Variants in FBXO6 observed in about 807,000 individuals in gnomAD.
FBXO6 encodes the protein F-box only protein 6.
Under a neutral mutation model 25.0 loss-of-function variants are expected in FBXO6, and 13 were observed. The ratio of observed to expected loss-of-function variants is 0.52; its 90% CI spans 0.34 to 0.83. The LOEUF (loss-of-function observed/expected upper bound fraction) is 0.83. Among genes scored for constraint, FBXO6 ranks in the 40% least tolerant of loss-of-function variants. The pLI is 0.02. For synonymous variants in FBXO6, 138 were observed against 155.3 expected, an observed-to-expected ratio of 0.89 and a Z score of 0.83; for missense variants, 370 against 380.2, an observed-to-expected ratio of 0.97 and a Z score of 0.22.
Position 11,671,873 on chromosome 1 carries a change from G to A in FBXO6, c.414-55G>A, listed in dbSNP as rs976550135. On this transcript the variant is annotated intron_variant, in intron 3 of 5. Transcript: ENST00000376753. ...AGGGGCTGCCAAGGCCTGGGTGAGG[G>A]GGGGGGCCATGCAGAGCACACCCAG... is the stretch of plus-strand genomic sequence containing the variant. The A allele has an allele frequency of 9.4e-6, 14 of 1,496,808 alleles. 1 individual carries two copies. The Admixed American group carries it at 1.8e-4, about 20-fold the overall frequency. 92.7% of individuals were successfully genotyped at this position (1,496,808 alleles called of 1,614,324 possible). A position where few individuals can be genotyped will look rare whatever the true frequency, so the allele number is the denominator to read the frequency against.
rs1640684267 is a variant in FBXO6 at position 11,673,417 on chromosome 1, G to A, written c.645+5G>A. On this transcript the variant is annotated splice_donor_5th_base_variant and intron_variant, in intron 5 of 5. Coordinates refer to ENST00000376753, the MANE Select transcript of FBXO6 (RefSeq NM_018438.6). This position sits in a 1 kb window ranked among gnomAD's most constrained non-coding sequence, Gnocchi z 4.3. ...AACAATGCCACATGGACAGAGGTGA[G>A]GCCTCACCCACTTGCTCTCTCTACC... 1 of 1,613,430 alleles carries A rather than the reference G, an allele frequency of 6.2e-7. No homozygotes were observed. The highest frequency in any genetic ancestry group is 1.1e-5 in the South Asian group (1 of 91,002).
At chr1:11,665,349 C>G (rs1390861764) in intron 1 of FBXO6, among the ~76,000 whole-genome samples, 2 of 149,230 alleles carry the variant, frequency 1.3e-5, no homozygotes, top group Non-Finnish European at 3.0e-5. Flanking sequence ...CTCAGCCTCC[C>G]GAGTAGCTGG....
Position 11,672,461 on chromosome 1 carries a change from T to A in FBXO6, c.509+438T>A, listed in dbSNP as rs569809311. On this transcript the variant is annotated intron_variant, in intron 4 of 5. Transcript: ENST00000376753. The stretch of plus-strand genomic sequence containing the variant: ...ACCACTACACCCGGCTATTTTTTTT[T>A]ATATTTTTAATACAGACAGCGTCTT... Among the ~76,000 whole-genome samples the A allele has an allele frequency of 3.0e-3, 456 of 151,342 alleles. 1 individual carries two copies. Among genetic ancestry groups the A allele is most frequent in the Non-Finnish European group, 4.1e-3 (279 of 67,876 alleles).
intron 2 of FBXO6, among the ~76,000 whole-genome samples, chr1:11,669,272 C>A (rs190214243): frequency 4.0e-4 from 61 of 152,252 alleles, no homozygotes; most frequent in African/African-American, 1.3e-3. Flanking sequence ...TAGAGACCAG[C>A]CTGGTCAAAA....
At chr1:11,666,286 G>A (rs1640436313) in intron 1 of FBXO6, among the ~76,000 whole-genome samples, 1 of 151,636 alleles carries the variant, frequency 6.6e-6, no homozygotes, top group African/African-American at 2.4e-5. Flanking sequence ...AAGTAGCTAG[G>A]ACCATAGGCA....
chr1:11,668,091 C>CAAAA (rs371283288), intron 1 of FBXO6, among the ~76,000 whole-genome samples: 15 of 122,386 alleles, frequency 1.2e-4, no homozygotes, highest in African/African-American at 4.1e-4. Context: ...GACTCTGTCT[C>CAAAA]AAAAAAAAAA....
chr1:11,665,436 T>C (rs1640399670), intron 1 of FBXO6, among the ~76,000 whole-genome samples: 2 of 151,126 alleles, frequency 1.3e-5, no homozygotes, highest in Admixed American at 1.3e-4. Context: ...TTTGTATTTT[T>C]AGTAGAGATG....
chr1:11,666,888 C>G (rs946164938), intron 1 of FBXO6, among the ~76,000 whole-genome samples: 4 of 152,164 alleles, frequency 2.6e-5, no homozygotes, highest in African/African-American at 4.8e-5. Flanking sequence ...TGGCTCACAC[C>G]TGTAATCCCA....
Position 11,671,283 on chromosome 1 carries a change from C to A in FBXO6, c.304C>A (p.Gln102Lys). ...PCAEEDMFAW[Q>K]IDFNGGDRWK... ...CTTCCTAGAGGATATGTTTGCATGG[C>A]AAATTGATTTCAATGGTGGGGACCG... Residue 102 changes from glutamine (Q) to lysine (K), a missense_variant, in exon 3 of 6, where the codon CAA becomes AAA. Transcript: ENST00000376753. 1 of 1,613,998 alleles carries A rather than the reference C, an allele frequency of 6.2e-7. No individual in the cohort carries two copies. The highest frequency in any genetic ancestry group is 1.1e-5 in the South Asian group (1 of 91,090).
intron 1 of FBXO6, among the ~76,000 whole-genome samples, chr1:11,667,342 C>T (rs960872061): frequency 6.6e-5 from 10 of 152,170 alleles, no homozygotes; most frequent in Non-Finnish European, 1.5e-5. Flanking sequence ...CAGGTGCCCC[C>T]AGGTAACAGA....
intron 1 of FBXO6, 28 bp from the exon 2 acceptor site, chr1:11,668,628 A>G: frequency 6.3e-7 from 1 of 1,598,822 alleles, no homozygotes; most frequent in East Asian, 2.2e-5. Flanking sequence ...CTCCCTGGTC[A>G]GGCTCATAAC....
At chr1:11,671,455 A>G (rs1426037743) in intron 3 of FBXO6, 63 bp downstream of exon 3, 1 of 1,580,748 alleles carries the variant, frequency 6.3e-7, no homozygotes, top group Non-Finnish European at 8.7e-7. Flanking sequence ...CACCTTTGCC[A>G]AGTCTCAGGC....
At chr1:11,665,838 C>G (rs1040706129) in intron 1 of FBXO6, among the ~76,000 whole-genome samples, 1 of 150,940 alleles carries the variant, frequency 6.6e-6, no homozygotes, top group Non-Finnish European at 1.5e-5. Flanking sequence ...GGAATACAGG[C>G]CTGAGTCTGT....
chr1:11,665,680 C>T (rs1195309256), intron 1 of FBXO6, among the ~76,000 whole-genome samples: 1 of 150,736 alleles, frequency 6.6e-6, no homozygotes, highest in Non-Finnish European at 1.5e-5. Flanking sequence ...CCTGCCTCAC[C>T]CTCCCGAGTA....
chr1:11,669,648 G>A lies in FBXO6; in HGVS notation c.286+704G>A, dbSNP rs1362605167. 4.0e-4 allele frequency among the ~76,000 whole-genome samples: 48 copies of A among 119,736 alleles called. 2 individuals are homozygous for A. Among genetic ancestry groups the A allele is most frequent in the Non-Finnish European group, 4.9e-5 (3 of 60,636 alleles). 78.6% of individuals were successfully genotyped at this position (119,736 alleles called of 152,430 possible). On this transcript the variant is annotated intron_variant, in intron 2 of 5. Transcript: ENST00000376753. ...TATACACATGTATACATATATACAC[G>A]TGTATACATATACACATGTATATAT...
intron 4 of FBXO6, among the ~76,000 whole-genome samples, chr1:11,672,552 A>G (rs1640648936): frequency 6.6e-6 from 1 of 152,142 alleles, no homozygotes; most frequent in African/African-American, 2.4e-5. Context: ...GGCCTCCCAA[A>G]GTGCTGGGAT....
At chr1:11,669,041 T>G in intron 2 of FBXO6, 97 bp downstream of exon 2, 11 of 1,458,546 alleles carry the variant, frequency 7.5e-6, no homozygotes, top group Admixed American at 2.1e-5. Flanking sequence ...GAATATTCTC[T>G]AACCCTAAAC....
intron 1 of FBXO6, among the ~76,000 whole-genome samples, chr1:11,667,553 G>A (rs763777947): frequency 1.3e-5 from 2 of 152,008 alleles, no homozygotes; most frequent in Non-Finnish European, 2.9e-5. Context: ...GGTCACTGCA[G>A]ACCAGGATTC....
At chr1:11,668,241 A>T (rs1027269751) in intron 1 of FBXO6, among the ~76,000 whole-genome samples, 3 of 152,044 alleles carry the variant, frequency 2.0e-5, no homozygotes, top group African/African-American at 4.8e-5. Flanking sequence ...AAATTAAGCA[A>T]TTTTTTTTAA....
Sources: gnomAD v4.1 joint callset for allele counts (sites outside exome capture counted in the v4.1 genomes callset) on GRCh38, gnomAD v4.1.1 for gene constraint, Gnocchi (gnomAD v3.1) non-coding constraint, MANE v1.5 for transcripts, NCBI Gene and HGNC (gene_info 2026-07-23, HGNC 2026-07-21) for gene names.